The following MYH14 variants were observed in gnomAD, a reference collection of about 807,000 sequenced individuals.
MYH14 encodes myosin heavy chain 14.
MYH14 carries 123 observed loss-of-function variants against 255.5 expected under a neutral mutation model. The observed-to-expected ratio is 0.48, with a 90% CI of 0.42 to 0.56. The LOEUF is 0.56. Ranked by LOEUF, MYH14 falls within the 20% of genes least tolerant of loss-of-function variation. The pLI, the probability that MYH14 is intolerant of heterozygous loss-of-function variation, is 0.00. For missense variants in MYH14, 2,423 were observed against 2,802.3 expected, an observed-to-expected ratio of 0.86 and a Z score of 3.06; for synonymous variants, 1,095 against 1,161.2, an observed-to-expected ratio of 0.94 and a Z score of 1.16.
chr19:50,289,531 C>T lies in MYH14; in HGVS notation c.4848C>T (p.Ala1616=), dbSNP rs904893761. The change falls in exon 35 of 43, where the codon GCC becomes GCT. Residue 1616 remains alanine (A), a synonymous_variant. Coordinates refer to ENST00000642316, the MANE Select transcript of MYH14 (RefSeq NM_001145809.2). ...VTELEDELTA[A]EDAKLRLEVT... is the part of the protein sequence containing the mutation. ...AACTGGAGGATGAGCTGACAGCGGCCGAGGATGCCAAGCTGCGTCTGGAGG... is the reference window on the plus strand; with the variant it reads ...AACTGGAGGATGAGCTGACAGCGGCTGAGGATGCCAAGCTGCGTCTGGAGG... 16 of 1,612,918 alleles carry T rather than the reference C, an allele frequency of 9.9e-6. No homozygotes were observed. Among genetic ancestry groups the T allele is most frequent in the Admixed American group, 3.3e-5 (2 of 59,908 alleles).
chr19:50,265,134 G>C (rs2035034478), intron 22 of MYH14, among the ~76,000 whole-genome samples: 1 of 152,216 alleles, frequency 6.6e-6, no homozygotes, highest in Non-Finnish European at 1.5e-5. Flanking sequence ...CGGCCTGTGG[G>C]CCAGATGGCT....
chr19:50,299,944 CAAAACAAACA>C (rs1009578035), intron 39 of MYH14, among the ~76,000 whole-genome samples: 6 of 151,874 alleles, frequency 4.0e-5, no homozygotes, highest in Admixed American at 2.0e-4. Context: ...GACTGTGTCT[CAAAACAAACA>C]AAAACAAACA....
chr19:50,306,208 T>G (rs57091130), intron 40 of MYH14, among the ~76,000 whole-genome samples: 9,181 of 152,124 alleles, frequency 0.06, 371 homozygotes, highest in African/African-American at 0.11. Flanking sequence ...GAACCCAGGA[T>G]GCAGAGGTTG....
intron 39 of MYH14, among the ~76,000 whole-genome samples, chr19:50,294,714 A>T (rs2036204015): frequency 6.9e-6 from 1 of 145,164 alleles, no homozygotes; most frequent in African/African-American, 2.5e-5. Flanking sequence ...GGGTGACTGG[A>T]TGACAGAGTG....
chr19:50,210,096 CAAAAAAAAAAAA>C (rs71180680), intron 1 of MYH14, among the ~76,000 whole-genome samples: 11 of 59,630 alleles, frequency 1.8e-4, no homozygotes, highest in South Asian at 1.0e-3. Flanking sequence ...GACTCCGTCT[CAAAAAAAAAAAA>C]AAAAAAAAAA....
At position 50,309,856 on chromosome 19, in the gene MYH14, GCCCCT is replaced by G; in HGVS notation, c.*67_*71del. ...CCCCCTTCCTCCCTGGACCCCACGG[GCCCCT>G]GTCCCAGGAACCCCGCCCTCTGACT... On this transcript the variant is annotated 3_prime_UTR_variant, in exon 43 of 43. Transcript: ENST00000642316. 6.6e-7 allele frequency: 1 copy of G among 1,514,712 alleles called. No individual in the cohort carries two copies. The highest frequency in any genetic ancestry group is 9.0e-7 in the Non-Finnish European group (1 of 1,114,418). The allele number at this position is 1,514,712 out of a possible 1,614,324, so 93.8% of individuals were successfully genotyped here. A position where few individuals can be genotyped will look rare whatever the true frequency, so the allele number is the denominator to read the frequency against.
At chr19:50,263,832 G>A (rs556372703) in intron 22 of MYH14, among the ~76,000 whole-genome samples, 88 of 152,032 alleles carry the variant, frequency 5.8e-4, no homozygotes, top group Middle Eastern at 3.4e-3. Flanking sequence ...CGAGGCGGGC[G>A]GATCACTTGA....
chr19:50,232,327 C>T (rs2123239606), intron 10 of MYH14, among the ~76,000 whole-genome samples: 1 of 152,290 alleles, frequency 6.6e-6, no homozygotes, highest in South Asian at 2.1e-4. Flanking sequence ...CGCAGTGGCT[C>T]ATGCCTGTAA....
At chr19:50,215,392 C>T (rs780937004) in intron 2 of MYH14, among the ~76,000 whole-genome samples, 46 of 152,334 alleles carry the variant, frequency 3.0e-4, no homozygotes, top group African/African-American at 9.9e-4. Flanking sequence ...CCCAGCAAAC[C>T]GGTTGTTCTG....
At chr19:50,289,770 C>A in intron 35 of MYH14, 122 bp downstream of exon 35, 3 of 855,136 alleles carry the variant, frequency 3.5e-6, no homozygotes, top group Non-Finnish European at 3.7e-6. Context: ...CTCCTCCACC[C>A]GCCGACCACT....
chr19:50,223,171 T>A, intron 4 of MYH14, 61 bp downstream of exon 4: 1 of 1,609,482 alleles, frequency 6.2e-7, no homozygotes, highest in Non-Finnish European at 8.5e-7. Flanking sequence ...TGGCTGTGTT[T>A]GGAATGGGCA....
intron 30 of MYH14, 139 bp downstream of exon 30, chr19:50,278,428 A>G: frequency 3.4e-6 from 2 of 591,316 alleles, no homozygotes; most frequent in Non-Finnish European, 2.7e-6. Flanking sequence ...AAGTCTGGGC[A>G]CAGTGGCTCA....
In MYH14 at chr19:50,230,663, G is replaced by A; in HGVS notation, c.973+40G>A. 1.3e-6 allele frequency: 2 copies of A among 1,530,068 alleles called. No individual in the cohort carries two copies. Among genetic ancestry groups the A allele is most frequent in the East Asian group, 2.5e-5 (1 of 40,730 alleles). 94.8% of individuals were successfully genotyped at this position (1,530,068 alleles called of 1,614,324 possible). On this transcript the variant is annotated intron_variant, in intron 9 of 42. Coordinates refer to ENST00000642316, the MANE Select transcript of MYH14 (RefSeq NM_001145809.2). This position sits in a 1 kb window ranked among gnomAD's most constrained non-coding sequence, Gnocchi z 4.7. ...GTCCTACCCTGCTCACCCGGGAGAG[G>A]GTGGGCACCATGTCTCTCGGGGGCC...
chr19:50,223,329 A>G lies in MYH14; in HGVS notation c.673A>G (p.Arg225Gly). 6.3e-7 allele frequency: 1 copy of G among 1,582,366 alleles called. No homozygotes were observed. Among genetic ancestry groups the G allele is most frequent in the African/African-American group, 1.3e-5 (1 of 74,292 alleles). ...CCACGTGGCGTCGTCTCCAAAGGGCAGGAAGGAGCCGGGTGTCCCCGTAAG... is the reference window on the plus strand; with the variant it reads ...CCACGTGGCGTCGTCTCCAAAGGGCGGGAAGGAGCCGGGTGTCCCCGTAAG... ...LAHVASSPKG[R>G]KEPGVPASVS... Residue 225 changes from arginine (R) to glycine (G), a missense_variant, in exon 5 of 43, where the codon AGG (arginine) becomes GGG (glycine). Physicochemically the swap from Arg to Gly is moderately radical, Grantham distance 125. Around this residue, in one of 3 missense-constraint regions of MYH14, gnomAD observed 672 missense variants for 881.8 expected, o/e 0.76. Transcript: ENST00000642316.
rs2036154583 is a variant in MYH14, at chr19:50,293,409, A to G, written c.5345+88A>G. ...GCTGGAGGTGGCTGGGCTCTGGGAC[A>G]GGAAACTGGGAGGTGGGCGGGGTTA... On this transcript the variant is annotated intron_variant, in intron 38 of 42. Transcript: ENST00000642316. The surrounding 1 kb of genome is among the most constrained non-coding windows in gnomAD (Gnocchi z 4.1). 4.6e-6 allele frequency: 7 copies of G among 1,516,828 alleles called. No individual in the cohort carries two copies. Among genetic ancestry groups the G allele is most frequent in the Non-Finnish European group, 6.3e-6 (7 of 1,113,356 alleles). 94.0% of individuals were successfully genotyped at this position (1,516,828 alleles called of 1,614,324 possible).
intron 10 of MYH14, among the ~76,000 whole-genome samples, chr19:50,234,208 G>T (rs992396262): frequency 6.6e-5 from 10 of 152,104 alleles, no homozygotes; most frequent in African/African-American, 2.4e-4. Context: ...AGGTCCTGGG[G>T]TTTAGATCCC....
rs1395244381 is a variant in MYH14, at chr19:50,252,603, G to A, written c.1831-36G>A. 6.5e-6 allele frequency: 9 copies of A among 1,383,800 alleles called. No homozygotes were observed. The highest frequency in any genetic ancestry group is 9.1e-6 in the Non-Finnish European group (9 of 992,836). The allele number at this position is 1,383,800 out of a possible 1,614,324, so 85.7% of individuals were successfully genotyped here. A position where few individuals can be genotyped will look rare whatever the true frequency, so the allele number is the denominator to read the frequency against. On this transcript the variant is annotated intron_variant, in intron 15 of 42. Transcript: ENST00000642316. The surrounding 1 kb of genome is among the most constrained non-coding windows in gnomAD (Gnocchi z 4.2). Reference sequence around the variant, plus strand: ...GGAAATCCAGAGAATGTCTGAGCCTGCAAGTCATCGCCCTCCTCTACCTGA... The same window carrying A: ...GGAAATCCAGAGAATGTCTGAGCCTACAAGTCATCGCCCTCCTCTACCTGA...
intron 2 of MYH14, among the ~76,000 whole-genome samples, chr19:50,215,571 G>A (rs964745905): frequency 6.6e-6 from 1 of 152,214 alleles, no homozygotes. Context: ...TGTAATCCCA[G>A]GCATGCCGGG....
At position 50,259,242 on chromosome 19, in the gene MYH14, C is replaced by T. The variant is rs746261612; in HGVS notation, c.2331C>T (p.Ile777=). ...RICRQGFPNR[I]LFQEFRQRYE... ...GTCGCCAGGGCTTCCCCAACCGCAT[C>T]CTCTTCCAGGAGTTCCGGCAGCGGT... The change falls in exon 19 of 43, where the codon ATC becomes ATT. Residue 777 remains isoleucine, a synonymous_variant. Transcript: ENST00000642316. 178 of 1,587,264 alleles carry T rather than the reference C, an allele frequency of 1.1e-4. No individual in the cohort carries two copies. The highest frequency in any genetic ancestry group is 1.7e-4 in the Middle Eastern group (1 of 5,926).
Sources: gnomAD v4.1 joint callset for allele counts (sites outside exome capture counted in the v4.1 genomes callset) on GRCh38, gnomAD v4.1.1 for gene constraint, gnomAD v4.1.1 regional missense constraint, Gnocchi (gnomAD v3.1) non-coding constraint, MANE v1.5 for transcripts, NCBI Gene and HGNC (gene_info 2026-07-23, HGNC 2026-07-21) for gene names.